ST7: variants seen among roughly 807,000 people sequenced by gnomAD.
The protein encoded by ST7 is suppression of tumorigenicity 7, also known as suppressor of tumorigenicity 7 protein.
In ST7, 28 loss-of-function variants were observed where a neutral mutation model predicts 78.7. The observed-to-expected ratio is 0.36, with a 90% CI of 0.26 to 0.49. The LOEUF is 0.49. ST7 is among the 20% of genes least tolerant of loss of function. ST7 has a pLI of 0.99. For synonymous variants in ST7, 247 were observed against 249.6 expected (o/e 0.99, Z 0.10); for missense variants, 418 against 696.0 (o/e 0.60, Z 4.49).
chr7:117,030,165 T>A lies in ST7; in HGVS notation c.152-69597T>A, dbSNP rs769734655. On this transcript the variant is annotated intron_variant, in intron 1 of 15. Transcript: ENST00000323984. Reference sequence around the variant, plus strand: ...GCAATTCATGAACATGGTATATTTGTCATTTAATTTAGGTCTTTAATTTCT... The same window carrying A: ...GCAATTCATGAACATGGTATATTTGACATTTAATTTAGGTCTTTAATTTCT... 1.4e-3 allele frequency among the ~76,000 whole-genome samples: 219 copies of A among 152,330 alleles called. 1 individual carries two copies. Among genetic ancestry groups the A allele is most frequent in the Middle Eastern group, 6.8e-3 (2 of 294 alleles).
intron 1 of ST7, among the ~76,000 whole-genome samples, chr7:116,970,159 G>A (rs1259540891): frequency 6.6e-6 from 1 of 152,164 alleles, no homozygotes; most frequent in Non-Finnish European, 1.5e-5. Flanking sequence ...AAAGCTCCAG[G>A]TAGGCCCTGT....
intron 12 of ST7, among the ~76,000 whole-genome samples, chr7:117,196,264 C>T (rs1810293221): frequency 6.6e-6 from 1 of 152,240 alleles, no homozygotes; most frequent in African/African-American, 2.4e-5. Flanking sequence ...CCTGCTTTCA[C>T]TTCTTTTGAA....
intron 1 of ST7, among the ~76,000 whole-genome samples, chr7:117,059,736 C>T (rs1245886535): frequency 7.7e-6 from 1 of 130,602 alleles, no homozygotes; most frequent in Non-Finnish European, 1.5e-5. Context: ...TTTGGGAGGC[C>T]AAAGTGGGAG....
At chr7:116,954,100 C>T (rs531193319) in intron 1 of ST7, 2 of 151,902 alleles carry the variant, frequency 1.3e-5, no homozygotes, top group Non-Finnish European at 2.9e-5. Flanking sequence ...TTCCTCACGC[C>T]CTCCCGGCTG....
chr7:117,082,114 A>T (rs1277995921), intron 1 of ST7, among the ~76,000 whole-genome samples: 1 of 152,212 alleles, frequency 6.6e-6, no homozygotes, highest in Non-Finnish European at 1.5e-5. Flanking sequence ...CACCCAGATT[A>T]TCTAGGATAA....
rs544106808 is a variant in ST7 at position 116,976,781 on chromosome 7, TGTACC to T, written c.151+23091_151+23095del. Reference sequence around the variant, plus strand: ...ATAATGATTCAGTTTACCACATGGTTGTACCATTATATACCTCACCAGTAATAGAT... The same window carrying T: ...ATAATGATTCAGTTTACCACATGGTTATTATATACCTCACCAGTAATAGAT... On this transcript the variant is annotated intron_variant, in intron 1 of 15. Coordinates refer to ENST00000323984, the MANE Select transcript of ST7 (RefSeq NM_001369598.1). Among the ~76,000 whole-genome samples the T allele has an allele frequency of 5.5e-4, 84 of 152,346 alleles. 1 individual carries two copies. In the East Asian group the frequency reaches 0.015, roughly 28 times the overall value.
intron 14 of ST7, among the ~76,000 whole-genome samples, chr7:117,221,392 G>A (rs1408850709): frequency 6.6e-6 from 1 of 152,084 alleles, no homozygotes; most frequent in Non-Finnish European, 1.5e-5. Flanking sequence ...CTCTATGAGG[G>A]TGGCACCCTC....
chr7:117,199,691 C>T (rs193577), intron 12 of ST7, among the ~76,000 whole-genome samples: 88,206 of 152,068 alleles, frequency 0.58, 27,619 homozygotes, highest in East Asian at 0.89. Flanking sequence ...GTGCCAGCCA[C>T]TGGGACGCTG....
chr7:117,028,215 T>G (rs926056189), intron 1 of ST7, among the ~76,000 whole-genome samples: 7 of 152,222 alleles, frequency 4.6e-5, no homozygotes, highest in Non-Finnish European at 8.8e-5. Flanking sequence ...TTACCATTCT[T>G]AAAGGTTAAG....
At chr7:116,993,725 C>T (rs1213730159) in intron 1 of ST7, among the ~76,000 whole-genome samples, 2 of 152,124 alleles carry the variant, frequency 1.3e-5, no homozygotes. Context: ...GAATAGATAC[C>T]AGAGCTAGGG....
chr7:117,211,040 C>G (rs1368094211), intron 13 of ST7, among the ~76,000 whole-genome samples: 1 of 152,162 alleles, frequency 6.6e-6, no homozygotes, highest in Admixed American at 6.5e-5. Context: ...CCTTTTCCGG[C>G]CCTTCCCTAA....
chr7:117,201,580 A>G (rs992875450), intron 12 of ST7, among the ~76,000 whole-genome samples: 1 of 149,874 alleles, frequency 6.7e-6, no homozygotes, highest in Non-Finnish European at 1.5e-5. Context: ...TTTCCATGAG[A>G]CAGGGTCTTG....
intron 1 of ST7, among the ~76,000 whole-genome samples, chr7:117,063,373 T>A (rs1350831933): frequency 6.6e-6 from 1 of 152,228 alleles, no homozygotes; most frequent in African/African-American, 2.4e-5. Context: ...TTTCTTTCAA[T>A]TGATAGGACA....
chr7:117,030,403 G>A (rs1182347542), intron 1 of ST7, among the ~76,000 whole-genome samples: 1 of 152,126 alleles, frequency 6.6e-6, no homozygotes, highest in Non-Finnish European at 1.5e-5. Context: ...AAATAACCTG[G>A]AAAGTGAGAT....
chr7:116,983,020 T>C lies in ST7; in HGVS notation c.151+29329T>C, dbSNP rs369811405. ...TTCAAGCGATTCTCCTGCCTGAGCCTCCCAAGTAGCTGGGATTACAGGCAT... is the reference window on the plus strand; with the variant it reads ...TTCAAGCGATTCTCCTGCCTGAGCCCCCCAAGTAGCTGGGATTACAGGCAT... On this transcript the variant is annotated intron_variant, in intron 1 of 15. Transcript: ENST00000323984. Among the ~76,000 whole-genome samples, 6 of 152,318 alleles carry C rather than the reference T, an allele frequency of 3.9e-5. No individual in the cohort carries two copies. The East Asian group carries it at 9.6e-4, about 24-fold the overall frequency.
At chr7:116,982,175 TCTG>T (rs925206346) in intron 1 of ST7, among the ~76,000 whole-genome samples, 98 of 152,238 alleles carry the variant, frequency 6.4e-4, no homozygotes, top group Middle Eastern at 3.4e-3. Context: ...TTCATTTACT[TCTG>T]CTGCTGCTGC....
At chr7:117,124,705 T>G (rs1185655213) in intron 3 of ST7, among the ~76,000 whole-genome samples, 1 of 152,112 alleles carries the variant, frequency 6.6e-6, no homozygotes, top group African/African-American at 2.4e-5. Flanking sequence ...GGGCAAGTTG[T>G]TTAACTTTGC....
intron 1 of ST7, among the ~76,000 whole-genome samples, chr7:117,019,808 C>CGACA (rs1795787706): frequency 6.6e-6 from 1 of 152,176 alleles, no homozygotes; most frequent in African/African-American, 2.4e-5. Context: ...AATCCTTGAT[C>CGACA]TGTCAATCTA....
intron 10 of ST7, among the ~76,000 whole-genome samples, chr7:117,172,383 A>G (rs1216980020): frequency 1.3e-5 from 2 of 152,186 alleles, no homozygotes; most frequent in South Asian, 2.1e-4. Flanking sequence ...TTTTTTCTCA[A>G]ATATATGGAA....
Sources: gnomAD v4.1 joint callset for allele counts (sites outside exome capture counted in the v4.1 genomes callset) on GRCh38, gnomAD v4.1.1 for gene constraint, MANE v1.5 for transcripts, NCBI Gene and HGNC (gene_info 2026-07-23, HGNC 2026-07-21) for gene names.